Variants in CUL9 observed in about 807,000 individuals in gnomAD.
CUL9 encodes cullin-9.
Under a neutral mutation model 272.6 loss-of-function variants are expected in CUL9, and 79 were observed. The ratio of observed to expected loss-of-function variants is 0.29; its 90% CI spans 0.24 to 0.35. The LOEUF (loss-of-function observed/expected upper bound fraction) is 0.35, where lower values mean the gene tolerates loss of function less well. CUL9 is among the 10% of genes least tolerant of loss of function. CUL9 has a pLI of 1.00. For missense variants in CUL9, 2,532 were observed against 3,255.6 expected, an observed-to-expected ratio of 0.78 and a Z score of 5.41; for synonymous variants, 1,186 against 1,286.5, an observed-to-expected ratio of 0.92 and a Z score of 1.67.
Position 43,203,482 on chromosome 6 carries a change from G to A in CUL9, c.3915G>A (p.Leu1305=), listed in dbSNP as rs1187976329. ...GCCCTAAGCCCACATTCTGGCCACT[G>A]TTCCGGGAGCAGCTGTGTCGCCGAA... is the stretch of plus-strand genomic sequence containing the variant. ...VLGPKPTFWP[L]FREQLCRRTC... The change falls in exon 19 of 41, where the codon CTG becomes CTA. Residue 1305 remains leucine (L), a synonymous_variant. Transcript: ENST00000252050. This position sits in a 1 kb window ranked among gnomAD's most constrained non-coding sequence, Gnocchi z 5.0. 6.2e-7 allele frequency: 1 copy of A among 1,614,222 alleles called. No homozygotes were observed. The highest frequency in any genetic ancestry group is 1.3e-5 in the African/African-American group (1 of 75,044).
At chr6:43,214,245 C>A (rs1395955931) in intron 29 of CUL9, among the ~76,000 whole-genome samples, 1 of 151,880 alleles carries the variant, frequency 6.6e-6, no homozygotes, top group Non-Finnish European at 1.5e-5. Context: ...CATGGCGAAA[C>A]CCTGTGTCTA....
Position 43,223,420 on chromosome 6 carries a change from T to C in CUL9, c.7284+23T>C. ...CAGGTACTGCCCGGCCCAGACCCCT[T>C]CTGCTCCTGCATTCTGCGGGAGTTG... On this transcript the variant is annotated intron_variant, in intron 39 of 40. Coordinates refer to ENST00000252050, the MANE Select transcript of CUL9 (RefSeq NM_015089.4). The surrounding 1 kb of genome is among the most constrained non-coding windows in gnomAD (Gnocchi z 4.1). 1 of 1,573,738 alleles carries C rather than the reference T, an allele frequency of 6.4e-7. No homozygotes were observed. Among genetic ancestry groups the C allele is most frequent in the Non-Finnish European group, 8.6e-7 (1 of 1,156,502 alleles).
In CUL9 at chr6:43,224,107, G is replaced by A. The variant is rs757907303; in HGVS notation, c.7297G>A (p.Gly2433Ser). Residue 2433 changes from glycine (G) to serine (S), a missense_variant, in exon 40 of 41, where the codon GGT becomes AGT. This residue lies in a region of CUL9 where 237 missense variants were observed against 305.9 expected (regional missense o/e 0.77). Transcript: ENST00000252050. This position sits in a 1 kb window ranked among gnomAD's most constrained non-coding sequence, Gnocchi z 4.2. ...GTCTGCTCACCAGGATTTCCGGGTTGGTCTTCAGAGTCCATCAGTAGAGGC... is the reference window on the plus strand; with the variant it reads ...GTCTGCTCACCAGGATTTCCGGGTTAGTCTTCAGAGTCCATCAGTAGAGGC... ...LQHSAQDFRV[G>S]LQSPSVEAWE... The A allele has an allele frequency of 3.7e-6, 6 of 1,614,202 alleles. No individual in the cohort carries two copies. The South Asian group carries it at 6.6e-5, about 18-fold the overall frequency.
At chr6:43,183,287 T>G (rs1772586957) in intron 1 of CUL9, among the ~76,000 whole-genome samples, 1 of 152,148 alleles carries the variant, frequency 6.6e-6, no homozygotes, top group Admixed American at 6.5e-5. Context: ...AAGGGCAGGG[T>G]GGGACCTGGT....
In CUL9 at chr6:43,187,411, T is replaced by G; in HGVS notation, c.1553T>G (p.Phe518Cys). Residue 518 changes from phenylalanine to cysteine, a missense_variant, in exon 6 of 41, where the codon TTC (phenylalanine) becomes TGC (cysteine). Physicochemically the swap from Phe to Cys is radical, Grantham distance 205. Transcript: ENST00000252050. ...GACTTGTGTGAGCAGCAGCCAATTT[T>G]CCAGAATCTTTGGAAGAACCTGGAT... is the stretch of plus-strand genomic sequence containing the variant. ...KLDLCEQQPIFQNLWKNLDET... is the reference protein window; with the variant it reads ...KLDLCEQQPICQNLWKNLDET... The G allele has an allele frequency of 6.2e-7, 1 of 1,614,126 alleles. No homozygotes were observed. Among genetic ancestry groups the G allele is most frequent in the Non-Finnish European group, 8.5e-7 (1 of 1,179,998 alleles).
intron 20 of CUL9, 180 bp downstream of exon 20, chr6:43,204,167 T>C: frequency 9.6e-7 from 1 of 1,043,488 alleles, no homozygotes; most frequent in Non-Finnish European, 1.4e-6. Flanking sequence ...TATTTGAATC[T>C]TTCCCACTAC....
rs1484373289 is a variant in CUL9, at chr6:43,200,175, T to C, written c.3384+19T>C. ...CATTCAGGTGAGGAGCGGCTGTGGG[T>C]ATGCAGCTGAGAGAATGCAAGTCAG... is the stretch of plus-strand genomic sequence containing the variant. On this transcript the variant is annotated intron_variant, in intron 14 of 40. Transcript: ENST00000252050. This position sits in a 1 kb window ranked among gnomAD's most constrained non-coding sequence, Gnocchi z 4.0. 1.9e-6 allele frequency: 3 copies of C among 1,604,042 alleles called. No individual in the cohort carries two copies. Among genetic ancestry groups the C allele is most frequent in the Admixed American group, 1.7e-5 (1 of 59,598 alleles).
rs1392732134 is a variant in CUL9, at chr6:43,200,621, C to T, written c.3476-42C>T. ...TAGACCTTTTCCTTTTTCCTCTCAA[C>T]TAACCTAGCTGTGACTGCCACCCCT... On this transcript the variant is annotated intron_variant, in intron 15 of 40. Transcript: ENST00000252050. This position sits in a 1 kb window ranked among gnomAD's most constrained non-coding sequence, Gnocchi z 4.0. 1 of 1,613,888 alleles carries T rather than the reference C, an allele frequency of 6.2e-7. No individual in the cohort carries two copies. The highest frequency in any genetic ancestry group is 2.2e-5 in the East Asian group (1 of 44,882).
Position 43,203,175 on chromosome 6 carries a change from A to C in CUL9, c.3820A>C (p.Ile1274Leu). ...LENLNRFWPI[I>L]QIRIKRCQQG... ...GAACCTGAACCGCTTCTGGCCCATC[A>C]TCCAGATCCGCATAAAGCGCTGCCA... The change falls in exon 18 of 41, where the codon ATC (isoleucine) becomes CTC (leucine). Residue 1274 changes from isoleucine to leucine, a missense_variant. Physicochemically the swap from Ile to Leu is conservative, Grantham distance 5. Coordinates refer to ENST00000252050, the MANE Select transcript of CUL9 (RefSeq NM_015089.4). The surrounding 1 kb of genome is among the most constrained non-coding windows in gnomAD (Gnocchi z 5.0). 6.2e-7 allele frequency: 1 copy of C among 1,614,118 alleles called. No individual in the cohort carries two copies. The highest frequency in any genetic ancestry group is 8.5e-7 in the Non-Finnish European group (1 of 1,180,024).
Position 43,221,831 on chromosome 6 carries a change from G to T in CUL9, c.6846+53G>T. On this transcript the variant is annotated intron_variant, in intron 35 of 40. Coordinates refer to ENST00000252050, the MANE Select transcript of CUL9 (RefSeq NM_015089.4). The surrounding 1 kb of genome is among the most constrained non-coding windows in gnomAD (Gnocchi z 4.2). ...AGAGGCCCAGAGCCGTCGGGGAGGG[G>T]TGCTGCTACCAGGTCCTGGGCAGAC... 1 of 1,506,018 alleles carries T rather than the reference G, an allele frequency of 6.6e-7. No individual in the cohort carries two copies. Among genetic ancestry groups the T allele is most frequent in the Non-Finnish European group, 9.1e-7 (1 of 1,096,164 alleles). 93.3% of individuals were successfully genotyped at this position (1,506,018 alleles called of 1,614,324 possible).
At chr6:43,196,477 T>A in intron 10 of CUL9, 168 bp from the exon 11 acceptor site, 2 of 796,918 alleles carry the variant, frequency 2.5e-6, no homozygotes, top group Non-Finnish European at 4.1e-6. Context: ...CTGACTTCCC[T>A]TTATGGGTTT....
Position 43,224,148 on chromosome 6 carries a change from A to T in CUL9, c.7338A>T (p.Gly2446=), listed in dbSNP as rs1776617265. The T allele has an allele frequency of 1.2e-6, 2 of 1,614,138 alleles. No individual in the cohort carries two copies. The highest frequency in any genetic ancestry group is 1.7e-6 in the Non-Finnish European group (2 of 1,180,002). ...CAGTAGAGGCCTGGGAGGCAAAAGG[A>T]CCCAACATGCCTGGCAGTCAGTAAG... ...SPSVEAWEAK[G]PNMPGSQPQA... The change falls in exon 40 of 41, where the codon GGA becomes GGT. Residue 2446 remains glycine (G), a synonymous_variant. Coordinates refer to ENST00000252050, the MANE Select transcript of CUL9 (RefSeq NM_015089.4). The surrounding 1 kb of genome is among the most constrained non-coding windows in gnomAD (Gnocchi z 4.2).
At position 43,203,085 on chromosome 6, in the gene CUL9, C is replaced by T; in HGVS notation, c.3754-24C>T. On this transcript the variant is annotated intron_variant, in intron 17 of 40. Transcript: ENST00000252050. The surrounding 1 kb of genome is among the most constrained non-coding windows in gnomAD (Gnocchi z 5.0). Reference sequence around the variant, plus strand: ...TTGTTTCTGGAGGTGACAGTTCTCTCCCTCTTCTCCCCTGCCCTACCAGGT... The same window carrying T: ...TTGTTTCTGGAGGTGACAGTTCTCTTCCTCTTCTCCCCTGCCCTACCAGGT... The T allele has an allele frequency of 6.2e-7, 1 of 1,611,606 alleles. No individual in the cohort carries two copies.
At position 43,200,441 on chromosome 6, in the gene CUL9, G is replaced by T. The variant is rs770215238; in HGVS notation, c.3390G>T (p.Val1130=). 2.5e-6 allele frequency: 4 copies of T among 1,614,034 alleles called. No homozygotes were observed. In the East Asian group the frequency reaches 8.9e-5, roughly 36 times the overall value. Residue 1130 remains valine, a synonymous_variant, in exon 15 of 41, where the codon GTG becomes GTT. Transcript: ENST00000252050. The surrounding 1 kb of genome is among the most constrained non-coding windows in gnomAD (Gnocchi z 4.0). ...CCCTGATGTTCCGGCTGCAGATGGT[G>T]CTGGGCCAGATCGAAGACCACAGAC... The part of the protein sequence containing the change: ...SSILAGCIQM[V]LGQIEDHRRT...
In CUL9 at chr6:43,203,043, C is replaced by A. The variant is rs1417863016; in HGVS notation, c.3754-66C>A. ...ACACCATGACCGACTTGGTTACTGT[C>A]AACAATTTTTCCAACCTTGTTTCTG... On this transcript the variant is annotated intron_variant, in intron 17 of 40. Transcript: ENST00000252050. This position sits in a 1 kb window ranked among gnomAD's most constrained non-coding sequence, Gnocchi z 5.0. The A allele has an allele frequency of 5.1e-6, 8 of 1,561,924 alleles. No homozygotes were observed. Among genetic ancestry groups the A allele is most frequent in the Non-Finnish European group, 7.0e-6 (8 of 1,134,820 alleles).
intron 8 of CUL9, among the ~76,000 whole-genome samples, chr6:43,189,533 T>G (rs1252986001): frequency 6.6e-6 from 1 of 151,910 alleles, no homozygotes; most frequent in Non-Finnish European, 1.5e-5. Flanking sequence ...TCATTCTATT[T>G]ATTTATTTTT....
Position 43,186,467 on chromosome 6 carries a change from A to G in CUL9, c.1251+12A>G, listed in dbSNP as rs371526535. On this transcript the variant is annotated intron_variant, in intron 4 of 40. Transcript: ENST00000252050. ...TTCCCCCTGTGCAGGTGGGCAGCAC[A>G]TGGTGGTGAGACACTGTTGGGAGTT... The G allele has an allele frequency of 8.3e-6, 13 of 1,574,590 alleles. No homozygotes were observed. Among genetic ancestry groups the G allele is most frequent in the East Asian group, 2.3e-5 (1 of 44,382 alleles).
At chr6:43,187,192 G>T in intron 5 of CUL9, 54 bp from the exon 6 acceptor site, 1 of 1,605,308 alleles carries the variant, frequency 6.2e-7, no homozygotes, top group Non-Finnish European at 8.5e-7. Context: ...TAGGGGTCCA[G>T]AAATAGACCC....
chr6:43,213,126 C>G lies in CUL9; in HGVS notation c.5213-23C>G, dbSNP rs1775653567. On this transcript the variant is annotated intron_variant, in intron 26 of 40. Transcript: ENST00000252050. This position sits in a 1 kb window ranked among gnomAD's most constrained non-coding sequence, Gnocchi z 5.7. ...TGTTTCGCCCATTCTGTGTCTCCACCCTTCTCCTTGACACTTGCCTAGGTC... is the reference window on the plus strand; with the variant it reads ...TGTTTCGCCCATTCTGTGTCTCCACGCTTCTCCTTGACACTTGCCTAGGTC... 6.2e-7 allele frequency: 1 copy of G among 1,611,578 alleles called. No individual in the cohort carries two copies. Among genetic ancestry groups the G allele is most frequent in the African/African-American group, 1.3e-5 (1 of 74,880 alleles).
Sources: gnomAD v4.1 joint callset for allele counts (sites outside exome capture counted in the v4.1 genomes callset) on GRCh38, gnomAD v4.1.1 for gene constraint, gnomAD v4.1.1 regional missense constraint, Gnocchi (gnomAD v3.1) non-coding constraint, MANE v1.5 for transcripts, NCBI Gene and HGNC (gene_info 2026-07-23, HGNC 2026-07-21) for gene names.